Variants in SNX25 observed in about 807,000 individuals in gnomAD.
The protein encoded by SNX25 is sorting nexin-25.
SNX25 carries 62 observed loss-of-function variants against 113.7 expected under a neutral mutation model. That is an observed-to-expected ratio of 0.55 (90% confidence interval 0.44 to 0.67). The LOEUF (loss-of-function observed/expected upper bound fraction) is 0.67. Among genes scored for constraint, SNX25 ranks in the 30% least tolerant of loss-of-function variants. The pLI is 0.00. For missense variants in SNX25, 1,014 were observed against 1,161.0 expected, an observed-to-expected ratio of 0.87 and a Z score of 1.84; for synonymous variants, 421 against 436.2, an observed-to-expected ratio of 0.97 and a Z score of 0.43.
rs914553630 is a variant in SNX25, at chr4:185,232,196, G to A, written c.430-15098G>A. On this transcript the variant is annotated intron_variant, in intron 1 of 18. Coordinates refer to ENST00000652585, the MANE Select transcript of SNX25 (RefSeq NM_001378034.2). This position sits in a 1 kb window ranked among gnomAD's most constrained non-coding sequence, Gnocchi z 4.4. Reference sequence around the variant, plus strand: ...TTTAATGGTGGTCTTGCAAGATGGGGTGTCTGGTAGGCAGGCACACCTGGG... The same window carrying A: ...TTTAATGGTGGTCTTGCAAGATGGGATGTCTGGTAGGCAGGCACACCTGGG... 2.0e-5 allele frequency among the ~76,000 whole-genome samples: 3 copies of A among 152,178 alleles called. No individual in the cohort carries two copies. The highest frequency in any genetic ancestry group is 7.2e-5 in the African/African-American group (3 of 41,440).
intron 16 of SNX25, among the ~76,000 whole-genome samples, chr4:185,361,480 C>T (rs1257031875): frequency 6.6e-6 from 1 of 152,164 alleles, no homozygotes; most frequent in African/African-American, 2.4e-5. Flanking sequence ...GCTCATGCCT[C>T]TAATCCCAGC....
intron 16 of SNX25, among the ~76,000 whole-genome samples, chr4:185,359,258 C>T (rs1358802265): frequency 2.0e-5 from 3 of 151,758 alleles, no homozygotes; most frequent in South Asian, 2.1e-4. Flanking sequence ...GAGGCTCAGG[C>T]GGGAGAACTG....
intron 1 of SNX25, among the ~76,000 whole-genome samples, chr4:185,229,369 G>A (rs1436636089): frequency 6.6e-6 from 1 of 152,240 alleles, no homozygotes; most frequent in Non-Finnish European, 1.5e-5. Flanking sequence ...GGCGAGCGCC[G>A]TGGAGTGGAG....
At chr4:185,327,896 A>G (rs2095167727) in intron 9 of SNX25, among the ~76,000 whole-genome samples, 1 of 152,252 alleles carries the variant, frequency 6.6e-6, no homozygotes, top group Non-Finnish European at 1.5e-5. Context: ...ACTTTATAGT[A>G]TTCGGCAGAG....
chr4:185,228,782 G>A (rs1303493835), intron 1 of SNX25, among the ~76,000 whole-genome samples: 1 of 152,102 alleles, frequency 6.6e-6, no homozygotes, highest in East Asian at 1.9e-4. Flanking sequence ...CCGTTTATTG[G>A]GCCCTCATTG....
At chr4:185,286,387 A>T (rs1751354556) in intron 5 of SNX25, among the ~76,000 whole-genome samples, 1 of 152,142 alleles carries the variant, frequency 6.6e-6, no homozygotes, top group African/African-American at 2.4e-5. Flanking sequence ...TTGGGATTAC[A>T]AGTGTGAGCC....
At chr4:185,255,707 G>A (rs1018537473) in intron 2 of SNX25, among the ~76,000 whole-genome samples, 1 of 152,188 alleles carries the variant, frequency 6.6e-6, no homozygotes, top group Non-Finnish European at 1.5e-5. Context: ...CTATGTGCAG[G>A]ACTACAGTGT....
chr4:185,220,268 CT>C (rs35129894), intron 1 of SNX25, among the ~76,000 whole-genome samples: 98,677 of 151,504 alleles, frequency 0.65, 32,186 homozygotes, highest in East Asian at 0.74. Context: ...CCTCTTGTTT[CT>C]TTTTTTTTCT....
At chr4:185,280,906 C>T (rs1178836482) in intron 5 of SNX25, among the ~76,000 whole-genome samples, 2 of 152,202 alleles carry the variant, frequency 1.3e-5, no homozygotes, top group African/African-American at 4.8e-5. Flanking sequence ...CTCAGTATAT[C>T]TATCTTGCAG....
intron 1 of SNX25, among the ~76,000 whole-genome samples, chr4:185,230,040 G>A (rs1235342136): frequency 6.6e-6 from 1 of 152,160 alleles, no homozygotes; most frequent in Non-Finnish European, 1.5e-5. Flanking sequence ...ATGTTGCCCA[G>A]GCTGGGCTTT....
intron 1 of SNX25, among the ~76,000 whole-genome samples, chr4:185,219,251 T>G (rs1158289676): frequency 2.0e-5 from 3 of 152,136 alleles, no homozygotes; most frequent in Non-Finnish European, 4.4e-5. Context: ...TTCTCTCACT[T>G]AGGCATGTTT....
chr4:185,323,456 A>G (rs2095135141), intron 8 of SNX25, 72 bp from the exon 9 acceptor site: 8 of 1,454,826 alleles, frequency 5.5e-6, no homozygotes, highest in South Asian at 2.5e-5. Context: ...TTCAAATGCA[A>G]ATAATTCAGA....
chr4:185,309,993 G>A (rs963419342), intron 6 of SNX25, among the ~76,000 whole-genome samples: 8 of 152,098 alleles, frequency 5.3e-5, no homozygotes, highest in African/African-American at 1.7e-4. Context: ...TCAGTTCCTC[G>A]AAAGCTCTGT....
At chr4:185,346,482 T>C (rs1311837318) in intron 12 of SNX25, 55 bp from the exon 13 acceptor site, 1 of 1,182,718 alleles carries the variant, frequency 8.5e-7, no homozygotes, top group Non-Finnish European at 1.2e-6. Flanking sequence ...CTAAATCTTT[T>C]TTAAGATTAA....
chr4:185,343,831 CATAATAATA>C (rs1316680673), intron 12 of SNX25, among the ~76,000 whole-genome samples: 6 of 152,132 alleles, frequency 3.9e-5, no homozygotes, highest in African/African-American at 1.4e-4. Flanking sequence ...AAGAAGCCAT[CATAATAATA>C]ACAAGAGTGA....
chr4:185,350,833 TC>T (rs1312949253), intron 13 of SNX25, among the ~76,000 whole-genome samples: 1 of 152,110 alleles, frequency 6.6e-6, no homozygotes, highest in Non-Finnish European at 1.5e-5. Flanking sequence ...CTGCACGACA[TC>T]CTGGATGACC....
intron 5 of SNX25, among the ~76,000 whole-genome samples, chr4:185,273,291 G>A (rs187302732): frequency 2.1e-3 from 317 of 152,266 alleles, no homozygotes; most frequent in Non-Finnish European, 3.5e-3. Flanking sequence ...TATTTATTTA[G>A]AGACAGGGTC....
intron 10 of SNX25, among the ~76,000 whole-genome samples, chr4:185,336,320 C>G (rs114862809): frequency 2.0e-5 from 3 of 152,068 alleles, no homozygotes; most frequent in African/African-American, 7.2e-5. Flanking sequence ...ATCCCTCATC[C>G]CCCGCCAACC....
chr4:185,270,476 G>A (rs1748768483), intron 5 of SNX25, among the ~76,000 whole-genome samples: 1 of 152,228 alleles, frequency 6.6e-6, no homozygotes, highest in Non-Finnish European at 1.5e-5. Flanking sequence ...TGAGCACTGA[G>A]GGACTTAAGA....
Sources: gnomAD v4.1 joint callset for allele counts (sites outside exome capture counted in the v4.1 genomes callset) on GRCh38, gnomAD v4.1.1 for gene constraint, Gnocchi (gnomAD v3.1) non-coding constraint, MANE v1.5 for transcripts, NCBI Gene and HGNC (gene_info 2026-07-23, HGNC 2026-07-21) for gene names.